The following CNTNAP2 variants were observed in gnomAD, a reference collection of about 807,000 sequenced individuals.
The protein encoded by CNTNAP2 is contactin associated protein 2, also known as contactin-associated protein-like 2.
A neutral mutation model predicts 155.2 loss-of-function variants in CNTNAP2; 98 were observed. That is an observed-to-expected ratio of 0.63 (90% CI 0.54 to 0.75). The LOEUF is 0.75. Ranked by LOEUF, CNTNAP2 falls within the 30% of genes least tolerant of loss-of-function variation. The probability of loss-of-function intolerance (pLI) is 0.00; values close to 1 mark genes in which losing one functional copy is unlikely to be tolerated. For missense variants in CNTNAP2, 1,727 were observed against 1,688.1 expected, an observed-to-expected ratio of 1.02 and a Z score of -0.40; for synonymous variants, 651 against 631.2, an observed-to-expected ratio of 1.03 and a Z score of -0.47.
chr7:146,148,480 G>T (rs969599861), intron 1 of CNTNAP2, among the ~76,000 whole-genome samples: 5 of 152,032 alleles, frequency 3.3e-5, no homozygotes, highest in African/African-American at 1.2e-4. Flanking sequence ...TCTCAATGTG[G>T]GGTTAATTAC....
At chr7:147,736,476 T>C (rs571471180) in intron 13 of CNTNAP2, among the ~76,000 whole-genome samples, 48 of 152,330 alleles carry the variant, frequency 3.2e-4, no homozygotes, top group Non-Finnish European at 5.6e-4. Flanking sequence ...ATTTCAACTT[T>C]GGTGAATCTG....
At chr7:146,918,008 C>T (rs899548073) in intron 3 of CNTNAP2, among the ~76,000 whole-genome samples, 1 of 152,096 alleles carries the variant, frequency 6.6e-6, no homozygotes, top group African/African-American at 2.4e-5. Flanking sequence ...TAACCCAGTG[C>T]TCTTTTGGTG....
rs148967795 is a variant in CNTNAP2 at position 146,975,801 on chromosome 7, G to T, written c.403-68106G>T. Among the ~76,000 whole-genome samples, 62 of 152,270 alleles carry T rather than the reference G, an allele frequency of 4.1e-4. No homozygotes were observed. The East Asian group carries it at 5.4e-3, about 13-fold the overall frequency. ...AGGTAGACATTTCAGATATTTTAGA[G>T]AGCATGTGAATTAAGAACTTGAAGT... On this transcript the variant is annotated intron_variant, in intron 3 of 23. Transcript: ENST00000361727.
At chr7:147,118,366 C>T (rs1801031037) in intron 5 of CNTNAP2, among the ~76,000 whole-genome samples, 2 of 151,364 alleles carry the variant, frequency 1.3e-5, no homozygotes, top group South Asian at 4.2e-4. Context: ...ACATTAATTA[C>T]AATGTCAAAA....
intron 1 of CNTNAP2, among the ~76,000 whole-genome samples, chr7:146,363,401 A>G (rs1795112286): frequency 6.6e-6 from 1 of 152,208 alleles, no homozygotes; most frequent in African/African-American, 2.4e-5. Flanking sequence ...GCACCATAAA[A>G]TGGCACTTGA....
intron 9 of CNTNAP2, among the ~76,000 whole-genome samples, chr7:147,306,545 G>C (rs1584860405): frequency 6.6e-6 from 1 of 152,136 alleles, no homozygotes; most frequent in South Asian, 2.1e-4. Flanking sequence ...GATAAATATT[G>C]GAAAGCTTTG....
intron 1 of CNTNAP2, among the ~76,000 whole-genome samples, chr7:146,171,872 C>T (rs1798396592): frequency 6.6e-6 from 1 of 151,696 alleles, no homozygotes; most frequent in Non-Finnish European, 1.5e-5. Context: ...ATTATATTCA[C>T]CTTGAATATG....
chr7:147,287,025 G>A (rs972463201), intron 8 of CNTNAP2, among the ~76,000 whole-genome samples: 6 of 151,980 alleles, frequency 3.9e-5, no homozygotes, highest in African/African-American at 9.7e-5. Context: ...CACTTGTTAC[G>A]GCATGGTGAG....
intron 1 of CNTNAP2, among the ~76,000 whole-genome samples, chr7:146,444,145 G>A (rs770468009): frequency 1.3e-5 from 2 of 152,010 alleles, no homozygotes; most frequent in African/African-American, 2.4e-5. Flanking sequence ...CAATTCTTCT[G>A]TCTCAGCCTC....
At chr7:146,773,304 G>T (rs1479134579) in intron 1 of CNTNAP2, among the ~76,000 whole-genome samples, 5 of 152,182 alleles carry the variant, frequency 3.3e-5, no homozygotes, top group African/African-American at 9.7e-5. Context: ...GCAGTTGATT[G>T]GTTGAGCATG....
intron 21 of CNTNAP2, among the ~76,000 whole-genome samples, chr7:148,269,324 A>G (rs944767259): frequency 1.3e-5 from 2 of 152,250 alleles, no homozygotes; most frequent in Admixed American, 6.5e-5. Flanking sequence ...ACTCAGGCAC[A>G]GTCTCAAATC....
intron 14 of CNTNAP2, among the ~76,000 whole-genome samples, chr7:147,924,106 GCA>G (rs1800336611): frequency 1.3e-5 from 2 of 150,918 alleles, no homozygotes; most frequent in Admixed American, 1.3e-4. Flanking sequence ...CAAATGCTGG[GCA>G]CCACTCTAAG....
intron 1 of CNTNAP2, among the ~76,000 whole-genome samples, chr7:146,692,257 A>G (rs1265871146): frequency 1.3e-5 from 2 of 152,184 alleles, no homozygotes; most frequent in Non-Finnish European, 2.9e-5. Flanking sequence ...AGTGGTGAGC[A>G]TGTAAAATGC....
rs57397386 is a variant in CNTNAP2 at position 146,770,022 on chromosome 7, A to T, written c.98-4249A>T. Among the ~76,000 whole-genome samples, 388 of 152,250 alleles carry T rather than the reference A, an allele frequency of 2.5e-3. 1 individual carries two copies. Among genetic ancestry groups the T allele is most frequent in the African/African-American group, 9.0e-3 (372 of 41,558 alleles). ...ACCTGTAGGAAAGGGGTTCATTGAC[A>T]TATTCAGGGTCACACGTTTATGATG... On this transcript the variant is annotated intron_variant, in intron 1 of 23. Coordinates refer to ENST00000361727, the MANE Select transcript of CNTNAP2 (RefSeq NM_014141.6).
chr7:147,944,226 C>T (rs893703896), intron 14 of CNTNAP2, among the ~76,000 whole-genome samples: 1 of 152,094 alleles, frequency 6.6e-6, no homozygotes, highest in African/African-American at 2.4e-5. Context: ...TTATTTTTAA[C>T]AAATATTAAT....
At chr7:146,545,505 C>G (rs144355349) in intron 1 of CNTNAP2, among the ~76,000 whole-genome samples, 2 of 151,732 alleles carry the variant, frequency 1.3e-5, no homozygotes, top group Admixed American at 1.3e-4. Flanking sequence ...CCTCACCCCC[C>G]AACATGCCCT....
chr7:148,401,952 A>G (rs1799592509), intron 22 of CNTNAP2, among the ~76,000 whole-genome samples: 1 of 152,230 alleles, frequency 6.6e-6, no homozygotes, highest in South Asian at 2.1e-4. Context: ...ACAAAAGAGT[A>G]CAATGTCAGC....
At chr7:147,043,724 C>A (rs1799302789) in intron 3 of CNTNAP2, among the ~76,000 whole-genome samples, 183 bp from the exon 4 acceptor site, 1 of 152,166 alleles carries the variant, frequency 6.6e-6, no homozygotes, top group African/African-American at 2.4e-5. Flanking sequence ...GACCTGTTTT[C>A]CACTTAAAAC....
intron 3 of CNTNAP2, among the ~76,000 whole-genome samples, chr7:147,019,773 A>C (rs1204412907): frequency 1.3e-5 from 2 of 152,110 alleles, no homozygotes; most frequent in African/African-American, 4.8e-5. Flanking sequence ...AGCAGAAAGT[A>C]CTTTGTGTAA....
Sources: gnomAD v4.1 joint callset for allele counts (sites outside exome capture counted in the v4.1 genomes callset) on GRCh38, gnomAD v4.1.1 for gene constraint, MANE v1.5 for transcripts, NCBI Gene and HGNC (gene_info 2026-07-23, HGNC 2026-07-21) for gene names.